Variants in TFDP1 observed in about 807,000 individuals in gnomAD.
The protein encoded by TFDP1 is transcription factor Dp-1, also known as DRTF1-polypeptide 1.
In TFDP1, 6 loss-of-function variants were observed where a neutral mutation model predicts 48.0. The ratio of observed to expected loss-of-function variants is 0.13; its 90% confidence interval spans 0.07 to 0.25. TFDP1 has a LOEUF of 0.25. TFDP1 is among the 10% of genes least tolerant of loss of function. The pLI, the probability that TFDP1 is intolerant of heterozygous loss-of-function variation, is 1.00. For synonymous variants in TFDP1, 201 were observed against 211.6 expected, an observed-to-expected ratio of 0.95 and a Z score of 0.44; for missense variants, 335 against 543.0, an observed-to-expected ratio of 0.62 and a Z score of 3.81.
intron 2 of TFDP1, among the ~76,000 whole-genome samples, chr13:113,606,541 A>AAGCAGGAT (rs1009823832): frequency 2.2e-4 from 34 of 152,090 alleles, no homozygotes; most frequent in African/African-American, 7.7e-4. Context: ...ATACCGTCCC[A>AAGCAGGAT]AGCAGGATTA....
At chr13:113,611,357 C>T (rs1166697145) in intron 3 of TFDP1, among the ~76,000 whole-genome samples, 3 of 152,254 alleles carry the variant, frequency 2.0e-5, no homozygotes, top group Non-Finnish European at 2.9e-5. Context: ...TGTTTTCTCT[C>T]CACCCAAAGA....
At chr13:113,593,119 G>GCA (rs2048187964) in intron 2 of TFDP1, among the ~76,000 whole-genome samples, 1 of 142,796 alleles carries the variant, frequency 7.0e-6, no homozygotes, top group African/African-American at 2.7e-5. Context: ...TGTGCTGTGT[G>GCA]TGGGTCCTCA....
intron 4 of TFDP1, among the ~76,000 whole-genome samples, chr13:113,630,754 C>T (rs1245941191): frequency 1.3e-5 from 2 of 151,932 alleles, no homozygotes; most frequent in Admixed American, 6.6e-5. Context: ...TATTCACACT[C>T]GAACATTCAT....
chr13:113,622,917 A>T lies in TFDP1; in HGVS notation c.80-263A>T, dbSNP rs1457962659. Among the ~76,000 whole-genome samples the T allele has an allele frequency of 5.9e-5, 9 of 152,394 alleles. No homozygotes were observed. In the East Asian group the frequency reaches 1.7e-3, roughly 29 times the overall value. On this transcript the variant is annotated intron_variant, in intron 3 of 11. Coordinates refer to ENST00000375370, the MANE Select transcript of TFDP1 (RefSeq NM_007111.5). ...CCCACCAGCACGTTCCATAGCAGAC[A>T]TCGCCGAGGGGCTGGAGCAGTGGAT...
At chr13:113,586,471 T>C (rs2048006638) in intron 2 of TFDP1, among the ~76,000 whole-genome samples, 1 of 152,240 alleles carries the variant, frequency 6.6e-6, no homozygotes, top group East Asian at 1.9e-4. Flanking sequence ...AAATTTAGTC[T>C]ATTTTATTGG....
intron 2 of TFDP1, among the ~76,000 whole-genome samples, chr13:113,596,342 TC>T (rs1339139139): frequency 6.6e-6 from 1 of 152,222 alleles, no homozygotes; most frequent in Non-Finnish European, 1.5e-5. Flanking sequence ...TGGAGGCCAT[TC>T]CTGCTTTAGG....
chr13:113,638,978 G>A (rs1225862024), intron 11 of TFDP1, among the ~76,000 whole-genome samples: 1 of 152,198 alleles, frequency 6.6e-6, no homozygotes, highest in Non-Finnish European at 1.5e-5. Flanking sequence ...GTGGCCATGA[G>A]ATGTAACAGG....
rs918433297 is a variant in TFDP1 at position 113,623,714 on chromosome 13, G to A, written c.186+428G>A. ...GCCAGAGAGGGATAGGGCCCTGGCC[G>A]TGGCTGTGCGTTTGCCCCGGGGCAG... is the stretch of plus-strand genomic sequence containing the variant. On this transcript the variant is annotated intron_variant, in intron 4 of 11. Coordinates refer to ENST00000375370, the MANE Select transcript of TFDP1 (RefSeq NM_007111.5). The surrounding 1 kb of genome is among the most constrained non-coding windows in gnomAD (Gnocchi z 5.2). 1.3e-5 allele frequency among the ~76,000 whole-genome samples: 2 copies of A among 152,324 alleles called. No individual in the cohort carries two copies. Among genetic ancestry groups the A allele is most frequent in the African/African-American group, 2.4e-5 (1 of 41,578 alleles).
chr13:113,601,337 A>AGCCGGCTGCTGGTGGGAT, intron 2 of TFDP1, among the ~76,000 whole-genome samples: 1 of 50,306 alleles, frequency 2.0e-5, no homozygotes, highest in Non-Finnish European at 3.3e-5. Flanking sequence ...AAATTAACTC[A>AGCCGGCTGCTGGTGGGAT]CCCGGCTGCT....
chr13:113,614,731 C>T (rs960243703), intron 3 of TFDP1, among the ~76,000 whole-genome samples: 1 of 152,190 alleles, frequency 6.6e-6, no homozygotes, highest in Non-Finnish European at 1.5e-5. Flanking sequence ...ACTGTGTCAG[C>T]GTTCTCTAAA....
At chr13:113,624,813 C>T (rs933146846) in intron 4 of TFDP1, among the ~76,000 whole-genome samples, 6 of 145,518 alleles carry the variant, frequency 4.1e-5, no homozygotes, top group Non-Finnish European at 4.5e-5. Flanking sequence ...AGGTGTTTCT[C>T]AGGTGTCTCT....
chr13:113,601,137 G>T (rs2048415023), intron 2 of TFDP1, among the ~76,000 whole-genome samples: 1 of 152,210 alleles, frequency 6.6e-6, no homozygotes, highest in Non-Finnish European at 1.5e-5. Flanking sequence ...GAGGTGGGGA[G>T]GTGTTGGCCT....
chr13:113,634,453 A>G (rs2049419747), intron 7 of TFDP1, 81 bp from the exon 8 acceptor site: 3 of 1,107,022 alleles, frequency 2.7e-6, no homozygotes, highest in Non-Finnish European at 4.1e-6. Flanking sequence ...TAACACTGTG[A>G]GGATGTGAGG....
At position 113,633,858 on chromosome 13, in the gene TFDP1, C is replaced by A; in HGVS notation, c.475-32C>A. On this transcript the variant is annotated intron_variant, in intron 6 of 11. Transcript: ENST00000375370. This position sits in a 1 kb window ranked among gnomAD's most constrained non-coding sequence, Gnocchi z 4.5. The stretch of plus-strand genomic sequence containing the variant: ...TAAGGATCCACCGGCCTTTTTGGAT[C>A]ATTTGGAAACTCCACTCCCTGTCAT... 1 of 1,580,594 alleles carries A rather than the reference C, an allele frequency of 6.3e-7. No individual in the cohort carries two copies. The highest frequency in any genetic ancestry group is 1.2e-5 in the South Asian group (1 of 85,454).
At chr13:113,639,354 A>G (rs779147000) in intron 11 of TFDP1, among the ~76,000 whole-genome samples, 20 of 152,212 alleles carry the variant, frequency 1.3e-4, no homozygotes, top group Non-Finnish European at 2.6e-4. Flanking sequence ...TTTCTTACGA[A>G]ATACCGATTT....
intron 2 of TFDP1, among the ~76,000 whole-genome samples, chr13:113,587,219 G>A (rs1163307284): frequency 6.6e-6 from 1 of 152,106 alleles, no homozygotes; most frequent in African/African-American, 2.4e-5. Context: ...AAGGTGGTCC[G>A]GCTCTGCAGG....
chr13:113,637,570 T>TA, intron 10 of TFDP1: 1 of 1,493,268 alleles, frequency 6.7e-7, no homozygotes. Context: ...GTGCCGTTTG[T>TA]AAGTCAGTGT....
chr13:113,608,658 C>T (rs759192636), intron 2 of TFDP1, among the ~76,000 whole-genome samples: 2 of 152,218 alleles, frequency 1.3e-5, no homozygotes, highest in Admixed American at 6.5e-5. Context: ...TCTGGCCTTA[C>T]GCACCTGGCT....
intron 8 of TFDP1, 36 bp from the exon 9 acceptor site, chr13:113,635,941 C>A: frequency 6.3e-7 from 1 of 1,599,260 alleles, no homozygotes; most frequent in South Asian, 1.1e-5. Flanking sequence ...GTTCTTGTGC[C>A]GCCACGGGCC....
Sources: gnomAD v4.1 joint callset for allele counts (sites outside exome capture counted in the v4.1 genomes callset) on GRCh38, gnomAD v4.1.1 for gene constraint, Gnocchi (gnomAD v3.1) non-coding constraint, MANE v1.5 for transcripts, NCBI Gene and HGNC (gene_info 2026-07-23, HGNC 2026-07-21) for gene names.